The following RELN variants were observed in gnomAD, a reference collection of about 807,000 sequenced individuals.
RELN encodes the protein reelin.
Under a neutral mutation model 427.6 loss-of-function variants are expected in RELN, and 108 were observed. The observed-to-expected ratio is 0.25, with a 90% CI of 0.22 to 0.30. The LOEUF (loss-of-function observed/expected upper bound fraction) is 0.30. Among genes scored for constraint, RELN ranks in the 10% least tolerant of loss-of-function variants. RELN has a pLI of 1.00. For synonymous variants in RELN, 1,524 were observed against 1,513.4 expected, an observed-to-expected ratio of 1.01 and a Z score of -0.16; for missense variants, 3,715 against 4,302.8, an observed-to-expected ratio of 0.86 and a Z score of 3.82.
intron 6 of RELN, among the ~76,000 whole-genome samples, chr7:103,741,331 A>AT (rs1446935195): frequency 6.6e-6 from 1 of 151,918 alleles, no homozygotes; most frequent in African/African-American, 2.4e-5. Flanking sequence ...CTCCTTTATG[A>AT]TGTTGCTGTA....
At chr7:103,801,238 C>T (rs1307884433) in intron 3 of RELN, among the ~76,000 whole-genome samples, 4 of 152,124 alleles carry the variant, frequency 2.6e-5, no homozygotes, top group African/African-American at 2.4e-5. Context: ...TGGGTATATA[C>T]CCAAAGGATT....
At chr7:103,609,726 T>C (rs1831904335) in intron 22 of RELN, among the ~76,000 whole-genome samples, 1 of 152,226 alleles carries the variant, frequency 6.6e-6, no homozygotes. Flanking sequence ...CCAATTGTTT[T>C]TGTGTAGAGT....
At chr7:103,481,704 G>T (rs1007710546) in intron 63 of RELN, among the ~76,000 whole-genome samples, 1 of 152,134 alleles carries the variant, frequency 6.6e-6, no homozygotes, top group Non-Finnish European at 1.5e-5. Context: ...TTGGATTTTG[G>T]TCTATTTGGA....
chr7:103,692,267 A>G (rs937823489), intron 10 of RELN, among the ~76,000 whole-genome samples: 15 of 152,134 alleles, frequency 9.9e-5, no homozygotes, highest in Non-Finnish European at 1.8e-4. Context: ...CTAAGAGAGG[A>G]AGCATGCATG....
intron 8 of RELN, among the ~76,000 whole-genome samples, chr7:103,712,626 A>C (rs2115854995): frequency 6.6e-6 from 1 of 152,366 alleles, no homozygotes; most frequent in East Asian, 1.9e-4. Context: ...AGTAACAGAA[A>C]TAATGATCAT....
intron 10 of RELN, among the ~76,000 whole-genome samples, chr7:103,683,898 T>G (rs1833706758): frequency 6.6e-6 from 1 of 152,148 alleles, no homozygotes; most frequent in African/African-American, 2.4e-5. Context: ...GGTCTGGAGA[T>G]GCACAGAACC....
chr7:103,724,949 A>C (rs1347151521), intron 7 of RELN, among the ~76,000 whole-genome samples: 1 of 152,052 alleles, frequency 6.6e-6, no homozygotes, highest in Non-Finnish European at 1.5e-5. Flanking sequence ...CTTGAGTTCA[A>C]ATATGAGTTA....
At chr7:103,805,500 T>C (rs536644807) in intron 3 of RELN, among the ~76,000 whole-genome samples, 3 of 152,300 alleles carry the variant, frequency 2.0e-5, no homozygotes, top group East Asian at 1.9e-4. Flanking sequence ...TCTAGTCCTC[T>C]GGTCTAAATA....
chr7:103,865,717 C>A (rs1794182180), intron 2 of RELN, among the ~76,000 whole-genome samples: 1 of 152,090 alleles, frequency 6.6e-6, no homozygotes, highest in Non-Finnish European at 1.5e-5. Flanking sequence ...GATAAAAACT[C>A]TCAAAAAACT....
chr7:103,674,951 G>A (rs1833481878), intron 11 of RELN, among the ~76,000 whole-genome samples: 1 of 152,110 alleles, frequency 6.6e-6, no homozygotes, highest in South Asian at 2.1e-4. Context: ...GCAAAAACTG[G>A]AAGCATTCCC....
intron 1 of RELN, among the ~76,000 whole-genome samples, chr7:103,974,598 A>C (rs1796832957): frequency 6.6e-6 from 1 of 152,242 alleles, no homozygotes; most frequent in Admixed American, 6.5e-5. Flanking sequence ...ATAGGATATC[A>C]ATACATGTAA....
chr7:103,583,215 G>A (rs1434679138), intron 28 of RELN, among the ~76,000 whole-genome samples: 1 of 152,130 alleles, frequency 6.6e-6, no homozygotes, highest in East Asian at 1.9e-4. Flanking sequence ...CTGGTTCTGA[G>A]GCCTTTGGTC....
intron 8 of RELN, among the ~76,000 whole-genome samples, chr7:103,709,071 C>T (rs977075331): frequency 6.6e-6 from 1 of 152,144 alleles, no homozygotes; most frequent in Non-Finnish European, 1.5e-5. Flanking sequence ...CAATAAAGCC[C>T]TTCCGAGACT....
Position 103,490,563 on chromosome 7 carries a change from G to T in RELN, c.9605+105C>A. 4.2e-6 allele frequency: 5 copies of T among 1,199,324 alleles called. No homozygotes were observed. The East Asian group carries it at 7.0e-5, about 17-fold the overall frequency. 74.3% of individuals were successfully genotyped at this position (1,199,324 alleles called of 1,614,324 possible). ...GAAGATGGGAGAGGGCACCAGGGCT[G>T]CATGTAAAGCTCTGCCTCACACTGT... On this transcript the variant is annotated intron_variant, in intron 59 of 64. Transcript: ENST00000428762.
intron 7 of RELN, among the ~76,000 whole-genome samples, chr7:103,723,870 T>A (rs1212420285): frequency 6.6e-6 from 1 of 152,182 alleles, no homozygotes; most frequent in Non-Finnish European, 1.5e-5. Context: ...AGAAATAGTC[T>A]TCTGACAAGT....
At chr7:103,482,812 T>C (rs1828289077) in intron 63 of RELN, 61 bp downstream of exon 63, 1 of 1,613,270 alleles carries the variant, frequency 6.2e-7, no homozygotes, top group Non-Finnish European at 8.5e-7. Flanking sequence ...GGTCATGCTA[T>C]ATCAAAGGAA....
chr7:103,822,011 C>T (rs773676246), intron 3 of RELN, among the ~76,000 whole-genome samples: 63 of 152,004 alleles, frequency 4.1e-4, no homozygotes, highest in South Asian at 1.0e-3. Context: ...TATTGTGAGG[C>T]GCTAAAATAG....
intron 51 of RELN, among the ~76,000 whole-genome samples, chr7:103,509,978 G>C (rs35603368): frequency 0.16 from 24,207 of 152,050 alleles, 2,059 homozygotes; most frequent in East Asian, 0.29. Flanking sequence ...TCATTAAAAA[G>C]TCAGGAAACA....
chr7:103,805,836 C>A (rs1027618088), intron 3 of RELN, among the ~76,000 whole-genome samples: 1 of 152,150 alleles, frequency 6.6e-6, no homozygotes, highest in Non-Finnish European at 1.5e-5. Context: ...TGCTGAATAA[C>A]AAGGAGGGGC....
Sources: gnomAD v4.1 joint callset for allele counts (sites outside exome capture counted in the v4.1 genomes callset) on GRCh38, gnomAD v4.1.1 for gene constraint, MANE v1.5 for transcripts, NCBI Gene and HGNC (gene_info 2026-07-23, HGNC 2026-07-21) for gene names.